THSD7B: variants seen among roughly 807,000 people sequenced by gnomAD.
The protein encoded by THSD7B is thrombospondin type-1 domain-containing protein 7B.
Under a neutral mutation model 213.6 loss-of-function variants are expected in THSD7B, and 138 were observed. That is an observed-to-expected ratio of 0.65 (90% CI 0.56 to 0.74). The LOEUF is 0.74. THSD7B is among the 30% of genes least tolerant of loss of function. The pLI, the probability that THSD7B is intolerant of heterozygous loss-of-function variation, is 0.00. For synonymous variants in THSD7B, 742 were observed against 687.0 expected (o/e 1.08, Z -1.25); for missense variants, 1,931 against 1,991.5 (o/e 0.97, Z 0.58).
chr2:137,659,600 AT>A, intron 24 of THSD7B, 63 bp from the exon 25 acceptor site: 2 of 1,477,498 alleles, frequency 1.4e-6, no homozygotes, highest in Non-Finnish European at 1.8e-6. Context: ...TTAAAAAAAA[AT>A]ACCAAAAAAT....
intron 2 of THSD7B, among the ~76,000 whole-genome samples, chr2:136,919,671 T>A (rs966152582): frequency 6.6e-5 from 10 of 152,192 alleles, no homozygotes; most frequent in African/African-American, 2.4e-4. Flanking sequence ...TTTCCTAGTT[T>A]TTCTTGGGCC....
chr2:137,124,835 C>T (rs1252228906), intron 5 of THSD7B, among the ~76,000 whole-genome samples: 3 of 152,016 alleles, frequency 2.0e-5, no homozygotes, highest in African/African-American at 7.2e-5. Flanking sequence ...TATGCATTGC[C>T]TCACATACTT....
rs144438916 is a variant in THSD7B, at chr2:137,321,048, C to T, written c.2500+45022C>T. On this transcript the variant is annotated intron_variant, in intron 12 of 27. Coordinates refer to ENST00000409968, the MANE Select transcript of THSD7B (RefSeq NM_001316349.2). ...ATCTTTAAAATAATTGTAACACCTA[C>T]ACCATAAAGTAGCTGTGAGATAAGT... 1.4e-3 allele frequency among the ~76,000 whole-genome samples: 209 copies of T among 152,314 alleles called. 1 individual carries two copies. The highest frequency in any genetic ancestry group is 1.7e-3 in the South Asian group (8 of 4,826).
At chr2:137,439,463 T>C (rs1265740902) in intron 14 of THSD7B, among the ~76,000 whole-genome samples, 1 of 152,170 alleles carries the variant, frequency 6.6e-6, no homozygotes, top group Non-Finnish European at 1.5e-5. Flanking sequence ...CTTTATTTCT[T>C]CCTTCATCCA....
At chr2:136,839,386 A>G (rs1211901256) in intron 1 of THSD7B, among the ~76,000 whole-genome samples, 1 of 152,148 alleles carries the variant, frequency 6.6e-6, no homozygotes, top group Non-Finnish European at 1.5e-5. Flanking sequence ...TCAATACACT[A>G]TGGCTTATAG....
intron 12 of THSD7B, among the ~76,000 whole-genome samples, chr2:137,311,367 C>A (rs899628629): frequency 6.6e-6 from 1 of 152,182 alleles, no homozygotes; most frequent in African/African-American, 2.4e-5. Context: ...TATCCTGAGA[C>A]TTTGCTGAAG....
intron 8 of THSD7B, among the ~76,000 whole-genome samples, chr2:137,232,650 A>G (rs985169532): frequency 6.6e-6 from 1 of 152,208 alleles, no homozygotes; most frequent in Non-Finnish European, 1.5e-5. Context: ...CAACAGAGTC[A>G]ATTAATTTTA....
chr2:137,562,312 C>A (rs541770174), intron 15 of THSD7B, among the ~76,000 whole-genome samples: 11 of 152,070 alleles, frequency 7.2e-5, no homozygotes, highest in Admixed American at 2.6e-4. Context: ...ATTGAGCCAT[C>A]TTTGTGATCA....
intron 1 of THSD7B, among the ~76,000 whole-genome samples, chr2:136,854,048 A>T (rs1233750544): frequency 6.6e-6 from 1 of 152,124 alleles, no homozygotes; most frequent in Non-Finnish European, 1.5e-5. Context: ...ATCATTTTGT[A>T]TATTTATTAA....
chr2:137,627,300 T>C (rs1388308042), intron 20 of THSD7B, among the ~76,000 whole-genome samples: 1 of 152,162 alleles, frequency 6.6e-6, no homozygotes, highest in East Asian at 1.9e-4. Context: ...CCAACCCCAC[T>C]GCAAAGGAGA....
intron 20 of THSD7B, among the ~76,000 whole-genome samples, chr2:137,621,290 A>G (rs542030999): frequency 1.3e-5 from 2 of 152,206 alleles, no homozygotes; most frequent in Admixed American, 6.5e-5. Flanking sequence ...CATATATATT[A>G]GACAAAATTG....
At chr2:137,504,182 C>T (rs1679781620) in intron 15 of THSD7B, among the ~76,000 whole-genome samples, 1 of 152,036 alleles carries the variant, frequency 6.6e-6, no homozygotes, top group South Asian at 2.1e-4. Context: ...CTTTACAATA[C>T]CTCTGACTCC....
chr2:137,148,147 TATC>T (rs1228025333), intron 5 of THSD7B, among the ~76,000 whole-genome samples: 1 of 152,094 alleles, frequency 6.6e-6, no homozygotes, highest in Non-Finnish European at 1.5e-5. Context: ...GTGAGTGAGT[TATC>T]ATGAGATCTG....
chr2:137,057,125 A>G lies in THSD7B; in HGVS notation c.845A>G (p.Gln282Arg). ...DSNERVTFKH[Q>R]SYKAHHHSKS... ...AATGAGCGAGTCACCTTTAAACATC[A>G]AAGTTACAAAGCACATCATCATTCG... is the stretch of plus-strand genomic sequence containing the variant. The change falls in exon 3 of 28, where the codon CAA becomes CGA. Residue 282 changes from glutamine to arginine, a missense_variant. By Grantham distance (43) the Gln-to-Arg change is conservative. Coordinates refer to ENST00000409968, the MANE Select transcript of THSD7B (RefSeq NM_001316349.2). The G allele has an allele frequency of 6.2e-7, 1 of 1,613,982 alleles. No homozygotes were observed. Among genetic ancestry groups the G allele is most frequent in the Non-Finnish European group, 8.5e-7 (1 of 1,179,888 alleles).
intron 7 of THSD7B, among the ~76,000 whole-genome samples, chr2:137,204,824 CA>C (rs142711377): frequency 0.3 from 44,758 of 151,700 alleles, 7,109 homozygotes; most frequent in Non-Finnish European, 0.35. Flanking sequence ...TAATTTCATC[CA>C]GAACTCAGAT....
At chr2:136,807,752 C>T (rs2558111) in intron 1 of THSD7B, among the ~76,000 whole-genome samples, 21,248 of 151,954 alleles carry the variant, frequency 0.14, 1,724 homozygotes, top group African/African-American at 0.21. Context: ...ATGATCCACC[C>T]GCCTCGGCCT....
At chr2:137,107,780 C>A (rs188551084) in intron 4 of THSD7B, among the ~76,000 whole-genome samples, 1 of 152,236 alleles carries the variant, frequency 6.6e-6, no homozygotes, top group East Asian at 1.9e-4. Flanking sequence ...CTGTATATGG[C>A]GATAGAAGTC....
chr2:137,259,918 T>A (rs1196850999), intron 10 of THSD7B, among the ~76,000 whole-genome samples: 1 of 151,964 alleles, frequency 6.6e-6, no homozygotes, highest in Non-Finnish European at 1.5e-5. Flanking sequence ...TTTGTGTGTG[T>A]GCGTGTGGGT....
At chr2:137,625,498 G>A (rs78736656) in intron 20 of THSD7B, among the ~76,000 whole-genome samples, 3,242 of 151,822 alleles carry the variant, frequency 0.021, 70 homozygotes, top group South Asian at 0.068. Context: ...AGAAAAATAG[G>A]CCTGAATAAA....
Sources: allele counts gnomAD v4.1 joint callset (sites outside exome capture counted in the v4.1 genomes callset), GRCh38; gene constraint gnomAD v4.1.1; transcripts MANE v1.5; gene names NCBI Gene and HGNC (gene_info 2026-07-23, HGNC 2026-07-21).